The following RBFOX1 variants were observed in gnomAD, a reference collection of about 807,000 sequenced individuals.
The protein encoded by RBFOX1 is RNA binding protein fox-1 homolog 1.
RBFOX1 carries 8 observed loss-of-function variants against 57.7 expected under a neutral mutation model. The observed-to-expected ratio is 0.14, with a 90% CI of 0.08 to 0.25. RBFOX1 has a LOEUF of 0.25. Ranked by LOEUF, RBFOX1 falls within the 10% of genes least tolerant of loss-of-function variation. RBFOX1 has a pLI of 1.00. For missense variants in RBFOX1, 611 were observed against 548.5 expected (o/e 1.11, Z -1.14); for synonymous variants, 326 against 222.4 (o/e 1.47, Z -4.15).
chr16:6,979,457 C>T (rs942013885), intron 3 of RBFOX1, among the ~76,000 whole-genome samples: 1 of 152,198 alleles, frequency 6.6e-6, no homozygotes, highest in Non-Finnish European at 1.5e-5. Context: ...CAGTGATTTA[C>T]AGCATCTGTT....
intron 3 of RBFOX1, among the ~76,000 whole-genome samples, chr16:5,790,808 G>T (rs1399370444): frequency 1.3e-5 from 2 of 151,854 alleles, no homozygotes; most frequent in Non-Finnish European, 2.9e-5. Context: ...AGTCACTGCT[G>T]CTGCTCTTGT....
intron 3 of RBFOX1, among the ~76,000 whole-genome samples, chr16:5,826,119 G>C (rs983275685): frequency 6.8e-6 from 1 of 146,618 alleles, no homozygotes; most frequent in African/African-American, 2.5e-5. Context: ...TCCTTAATAT[G>C]AATAAGGAAT....
intron 3 of RBFOX1, among the ~76,000 whole-genome samples, chr16:6,798,096 C>A (rs930035848): frequency 7.2e-5 from 11 of 151,966 alleles, no homozygotes; most frequent in Non-Finnish European, 1.3e-4. Flanking sequence ...TATGCCACAC[C>A]CTTAAACAGC....
intron 3 of RBFOX1, among the ~76,000 whole-genome samples, chr16:6,789,581 G>C (rs142011363): frequency 1.3e-5 from 2 of 152,172 alleles, no homozygotes; most frequent in Non-Finnish European, 1.5e-5. Flanking sequence ...TCCATAGACA[G>C]TGGGGACTGT....
At chr16:6,848,756 G>T (rs1305922043) in intron 3 of RBFOX1, among the ~76,000 whole-genome samples, 1 of 152,094 alleles carries the variant, frequency 6.6e-6, no homozygotes, top group Non-Finnish European at 1.5e-5. Flanking sequence ...AAGTCACATT[G>T]CCAAGTAGAA....
chr16:7,657,153 C>T (rs533023930), intron 12 of RBFOX1, among the ~76,000 whole-genome samples: 4 of 152,278 alleles, frequency 2.6e-5, no homozygotes, highest in East Asian at 3.9e-4. Context: ...ATGGCTTCCA[C>T]ATTTTCTTCC....
chr16:5,954,224 G>A (rs1357786654), intron 4 of RBFOX1, among the ~76,000 whole-genome samples: 1 of 152,160 alleles, frequency 6.6e-6, no homozygotes, highest in Non-Finnish European at 1.5e-5. Context: ...GCTGGCCGTG[G>A]TCTCATGGAT....
intron 4 of RBFOX1, among the ~76,000 whole-genome samples, chr16:7,147,277 T>C (rs866763897): frequency 1.3e-5 from 2 of 151,694 alleles, no homozygotes; most frequent in East Asian, 2.0e-4. Flanking sequence ...AGTGCTGGGA[T>C]TACAGGCATG....
chr16:7,647,525 G>A (rs2063985598), intron 11 of RBFOX1, among the ~76,000 whole-genome samples: 1 of 145,842 alleles, frequency 6.9e-6, no homozygotes, highest in Admixed American at 7.1e-5. Context: ...TTACATGTGA[G>A]TTAACTTGAA....
chr16:6,377,300 A>G (rs565160455), intron 2 of RBFOX1, among the ~76,000 whole-genome samples: 36 of 151,920 alleles, frequency 2.4e-4, no homozygotes, highest in African/African-American at 7.2e-4. Context: ...AGAAAAAGAA[A>G]AAAAAAGGTA....
intron 1 of RBFOX1, among the ~76,000 whole-genome samples, chr16:6,145,993 G>C (rs942740990): frequency 6.6e-6 from 1 of 152,166 alleles, no homozygotes; most frequent in African/African-American, 2.4e-5. Flanking sequence ...GCATTTATTT[G>C]CAAGGTAGCA....
At chr16:5,256,244 G>A (rs1223802642) in intron 1 of RBFOX1, among the ~76,000 whole-genome samples, 1 of 152,190 alleles carries the variant, frequency 6.6e-6, no homozygotes, top group Non-Finnish European at 1.5e-5. Flanking sequence ...GGAGATCCCA[G>A]ACAGGATGTG....
intron 12 of RBFOX1, among the ~76,000 whole-genome samples, chr16:7,663,502 A>AGT (rs1555736015): frequency 1.6e-5 from 2 of 128,484 alleles, no homozygotes; most frequent in Non-Finnish European, 3.3e-5. Flanking sequence ...GTGTCAGTAC[A>AGT]GCGTGTGTGT....
chr16:7,234,186 G>A (rs2093651161), intron 4 of RBFOX1, among the ~76,000 whole-genome samples: 1 of 152,132 alleles, frequency 6.6e-6, no homozygotes, highest in South Asian at 2.1e-4. Flanking sequence ...CAATCAAGCT[G>A]TGGCATGTTG....
rs748258573 is a variant in RBFOX1, at chr16:6,806,647, C to G, written c.-16+151997C>G. On this transcript the variant is annotated intron_variant, in intron 3 of 15. Coordinates refer to ENST00000550418, the MANE Select transcript of RBFOX1 (RefSeq NM_018723.4). ...CATGTCTTTTACCTACACGCGGTAA[C>G]AGATTTGTATTATATGCGCTAAAAT... Among the ~76,000 whole-genome samples, 39 of 151,544 alleles carry G rather than the reference C, an allele frequency of 2.6e-4. No individual in the cohort carries two copies. In the Middle Eastern group the frequency reaches 0.017, roughly 67 times the overall value.
chr16:5,343,318 T>TC (rs1567360404), intron 1 of RBFOX1, among the ~76,000 whole-genome samples: 2 of 129,428 alleles, frequency 1.5e-5, no homozygotes, highest in Non-Finnish European at 3.4e-5. Context: ...TTTTTTTTTT[T>TC]GGTTTTGTTT....
chr16:6,968,743 T>C (rs111233773), intron 3 of RBFOX1, among the ~76,000 whole-genome samples: 2 of 152,068 alleles, frequency 1.3e-5, no homozygotes, highest in African/African-American at 4.8e-5. Context: ...CTCCCTCCTC[T>C]CCCTCCTCTT....
intron 3 of RBFOX1, among the ~76,000 whole-genome samples, chr16:6,696,885 G>A (rs553206127): frequency 6.6e-6 from 1 of 152,314 alleles, no homozygotes; most frequent in South Asian, 2.1e-4. Flanking sequence ...TAAAGCACAT[G>A]TTTAAGAAAT....
Position 6,772,418 on chromosome 16 carries a change from G to A in RBFOX1, c.-16+117768G>A, listed in dbSNP as rs551851100. Among the ~76,000 whole-genome samples the A allele has an allele frequency of 2.4e-3, 340 of 144,142 alleles. 3 individuals carry two copies. The highest frequency in any genetic ancestry group is 9.3e-3 in the African/African-American group (331 of 35,412). 94.6% of individuals were successfully genotyped at this position (144,142 alleles called of 152,430 possible). ...CAGGCTGGAAGGGTTTTGTGTGTGCGCACGTGCGTGTGTGTGTGTGTGTGT... is the reference window on the plus strand; with the variant it reads ...CAGGCTGGAAGGGTTTTGTGTGTGCACACGTGCGTGTGTGTGTGTGTGTGT... On this transcript the variant is annotated intron_variant, in intron 3 of 15. Transcript: ENST00000550418.
Sources: allele counts gnomAD v4.1 joint callset (sites outside exome capture counted in the v4.1 genomes callset), GRCh38; gene constraint gnomAD v4.1.1; transcripts MANE v1.5; gene names NCBI Gene and HGNC (gene_info 2026-07-23, HGNC 2026-07-21).